SLC4A10: variants seen among roughly 807,000 people sequenced by gnomAD.
The protein encoded by SLC4A10 is solute carrier family 4 member 10, also known as sodium-driven chloride bicarbonate exchanger.
A neutral mutation model predicts 137.7 loss-of-function variants in SLC4A10; 42 were observed. The ratio of observed to expected loss-of-function variants is 0.30; its 90% CI spans 0.24 to 0.39. The LOEUF (loss-of-function observed/expected upper bound fraction) is 0.39. Among genes scored for constraint, SLC4A10 ranks in the 10% least tolerant of loss-of-function variants. The probability of loss-of-function intolerance (pLI) is 1.00; values close to 1 mark genes in which losing one functional copy is unlikely to be tolerated. For missense variants in SLC4A10, 925 were observed against 1,355.0 expected (o/e 0.68, Z 4.98); for synonymous variants, 474 against 464.1 (o/e 1.02, Z -0.27).
At chr2:161,974,363 T>C in intron 24 of SLC4A10, 47 bp downstream of exon 24, 1 of 1,431,868 alleles carries the variant, frequency 7.0e-7, no homozygotes, top group Non-Finnish European at 9.6e-7. Context: ...ATGAAATGCA[T>C]TGTTATATAC....
At chr2:161,778,677 A>T (rs914422637) in intron 2 of SLC4A10, among the ~76,000 whole-genome samples, 3 of 152,000 alleles carry the variant, frequency 2.0e-5, no homozygotes, top group Admixed American at 6.6e-5. Flanking sequence ...TTACATTTTA[A>T]TCTGATATTC....
intron 1 of SLC4A10, among the ~76,000 whole-genome samples, chr2:161,667,552 G>A (rs531822252): frequency 6.6e-6 from 1 of 151,782 alleles, no homozygotes; most frequent in South Asian, 2.1e-4. Flanking sequence ...TAACGTTTCA[G>A]CCATAAGTCC....
chr2:161,693,603 T>C (rs2042207756), intron 1 of SLC4A10, among the ~76,000 whole-genome samples: 1 of 151,260 alleles, frequency 6.6e-6, no homozygotes, highest in Non-Finnish European at 1.5e-5. Context: ...GACCAACATC[T>C]CCTCATTTTC....
At chr2:161,774,107 G>A (rs559650520) in intron 2 of SLC4A10, among the ~76,000 whole-genome samples, 4 of 151,934 alleles carry the variant, frequency 2.6e-5, no homozygotes, top group African/African-American at 9.6e-5. Context: ...TAAAAACGGT[G>A]AAGGGTATTG....
intron 1 of SLC4A10, among the ~76,000 whole-genome samples, chr2:161,638,063 T>A (rs1299470386): frequency 6.6e-6 from 1 of 152,158 alleles, no homozygotes; most frequent in Non-Finnish European, 1.5e-5. Flanking sequence ...TTTGCAAGTG[T>A]TTTCTCCAAT....
At chr2:161,861,257 G>T (rs1369725924) in intron 5 of SLC4A10, among the ~76,000 whole-genome samples, 2 of 152,200 alleles carry the variant, frequency 1.3e-5, no homozygotes, top group Non-Finnish European at 2.9e-5. Flanking sequence ...GGCTATGTCA[G>T]TTAGACTTAG....
intron 1 of SLC4A10, among the ~76,000 whole-genome samples, chr2:161,668,306 C>T (rs1176010466): frequency 4.0e-5 from 6 of 151,612 alleles, no homozygotes; most frequent in East Asian, 1.9e-4. Flanking sequence ...AAAATTTAGC[C>T]GGGAGAAGAG....
At chr2:161,802,578 G>A (rs1331080967) in intron 2 of SLC4A10, among the ~76,000 whole-genome samples, 3 of 152,034 alleles carry the variant, frequency 2.0e-5, no homozygotes, top group African/African-American at 7.2e-5. Context: ...GTAAGGCTTT[G>A]TTTTAGGCTT....
At chr2:161,728,401 C>T (rs1012273158) in intron 1 of SLC4A10, among the ~76,000 whole-genome samples, 3 of 151,966 alleles carry the variant, frequency 2.0e-5, no homozygotes, top group Non-Finnish European at 4.4e-5. Flanking sequence ...ATGGTGAAAC[C>T]CTGTCTCTAC....
chr2:161,948,459 A>G (rs1218822289), intron 17 of SLC4A10, among the ~76,000 whole-genome samples: 1 of 152,146 alleles, frequency 6.6e-6, no homozygotes, highest in Non-Finnish European at 1.5e-5. Flanking sequence ...GATTAATACA[A>G]AAACATTTTT....
chr2:161,648,441 G>C (rs1423226505), intron 1 of SLC4A10, among the ~76,000 whole-genome samples: 1 of 152,162 alleles, frequency 6.6e-6, no homozygotes, highest in African/African-American at 2.4e-5. Context: ...ACTTTGAAGT[G>C]ATTACTGTGA....
chr2:161,840,267 T>C (rs1038959494), intron 4 of SLC4A10, among the ~76,000 whole-genome samples: 3 of 152,234 alleles, frequency 2.0e-5, no homozygotes, highest in African/African-American at 7.2e-5. Context: ...TAGTATATGA[T>C]AACTTGAAAG....
intron 1 of SLC4A10, 127 bp downstream of exon 1, chr2:161,624,693 CA>C: frequency 8.0e-7 from 1 of 1,248,252 alleles, no homozygotes; most frequent in Non-Finnish European, 1.1e-6. Context: ...GACATATGGA[CA>C]GGGGTCTCCT....
intron 1 of SLC4A10, among the ~76,000 whole-genome samples, chr2:161,752,618 T>C (rs2049108258): frequency 6.6e-6 from 1 of 152,032 alleles, no homozygotes; most frequent in Non-Finnish European, 1.5e-5. Flanking sequence ...AAACACACAA[T>C]GGAATAATAT....
chr2:161,976,705 A>T, intron 24 of SLC4A10, 55 bp from the exon 25 acceptor site: 1 of 841,754 alleles, frequency 1.2e-6, no homozygotes, highest in South Asian at 2.3e-5. Context: ...GTCATTGAAA[A>T]ACTGCAGTTA....
intron 2 of SLC4A10, among the ~76,000 whole-genome samples, chr2:161,793,034 C>G (rs1330072977): frequency 1.3e-5 from 2 of 151,988 alleles, no homozygotes; most frequent in African/African-American, 4.8e-5. Flanking sequence ...CATTGCAACC[C>G]TAATAGGATT....
rs907353584 is a variant in SLC4A10, at chr2:161,983,166, T to A, written c.*27-13T>A. The A allele has an allele frequency of 1.3e-6, 2 of 1,536,406 alleles. No individual in the cohort carries two copies. The highest frequency in any genetic ancestry group is 2.7e-5 in the African/African-American group (2 of 73,038). ...ATTGCAGTAATAAATGTGTCCTTTT[T>A]TTCCTTCTGTAGCATTGAAAGCCGA... is the stretch of plus-strand genomic sequence containing the variant. On this transcript the variant is annotated splice_polypyrimidine_tract_variant and intron_variant, in intron 26 of 26. Transcript: ENST00000446997.
At chr2:161,672,678 G>A (rs2039867048) in intron 1 of SLC4A10, among the ~76,000 whole-genome samples, 1 of 151,956 alleles carries the variant, frequency 6.6e-6, no homozygotes, top group African/African-American at 2.4e-5. Flanking sequence ...AGATTATATA[G>A]CAATTCACAA....
At chr2:161,912,108 G>T (rs772814554) in intron 15 of SLC4A10, among the ~76,000 whole-genome samples, 8 of 152,020 alleles carry the variant, frequency 5.3e-5, no homozygotes, top group Non-Finnish European at 8.8e-5. Flanking sequence ...AACAGAATTT[G>T]TGTTTATCTT....
Sources: gnomAD v4.1 joint callset for allele counts (sites outside exome capture counted in the v4.1 genomes callset) on GRCh38, gnomAD v4.1.1 for gene constraint, MANE v1.5 for transcripts, NCBI Gene and HGNC (gene_info 2026-07-23, HGNC 2026-07-21) for gene names.